The following LRMDA variants were observed in gnomAD, a reference collection of about 807,000 sequenced individuals.
LRMDA encodes the protein leucine rich melanocyte differentiation associated.
A neutral mutation model predicts 29.8 loss-of-function variants in LRMDA; 18 were observed. The ratio of observed to expected loss-of-function variants is 0.60; its 90% confidence interval spans 0.42 to 0.90. The LOEUF is 0.90. LRMDA is among the 40% of genes least tolerant of loss of function. The probability of loss-of-function intolerance (pLI) is 0.00; values close to 1 mark genes in which losing one functional copy is unlikely to be tolerated. For synonymous variants in LRMDA, 125 were observed against 109.4 expected (o/e 1.14, Z -0.89); for missense variants, 273 against 273.9 (o/e 1.00, Z 0.02).
chr10:76,121,128 C>G (rs1216935176), intron 5 of LRMDA, among the ~76,000 whole-genome samples: 1 of 149,958 alleles, frequency 6.7e-6, no homozygotes, highest in Non-Finnish European at 1.5e-5. Flanking sequence ...TTTGCCAGCT[C>G]TAGGAAATGG....
intron 2 of LRMDA, among the ~76,000 whole-genome samples, chr10:75,560,505 C>T (rs1453659309): frequency 1.3e-5 from 2 of 151,870 alleles, no homozygotes; most frequent in South Asian, 4.2e-4. Flanking sequence ...TTCCTCTTTT[C>T]CTCATTGAAT....
intron 5 of LRMDA, among the ~76,000 whole-genome samples, chr10:76,236,680 A>G (rs767001049): frequency 6.6e-6 from 1 of 152,090 alleles, no homozygotes; most frequent in African/African-American, 2.4e-5. Context: ...TTCTGCTGCA[A>G]CCCAGCATCT....
chr10:75,431,663 T>G lies in LRMDA; in HGVS notation c.-62T>G. On this transcript the variant is annotated 5_prime_UTR_variant, in exon 1 of 7. Transcript: ENST00000611255. ...CGCCCGCCGCGCTCCCCTGCCGCGC[T>G]CCCCGCTGCTGCCGCCGCGCCCCCG... 1 of 1,238,092 alleles carries G rather than the reference T, an allele frequency of 8.1e-7. No individual in the cohort carries two copies. Among genetic ancestry groups the G allele is most frequent in the Non-Finnish European group, 1.0e-6 (1 of 994,710 alleles). 76.7% of individuals were successfully genotyped at this position (1,238,092 alleles called of 1,614,324 possible).
At chr10:76,353,317 C>T (rs1841200290) in intron 6 of LRMDA, among the ~76,000 whole-genome samples, 2 of 147,230 alleles carry the variant, frequency 1.4e-5, no homozygotes, top group Admixed American at 7.0e-5. Context: ...TTGCAATTCT[C>T]TGAGCTGTGG....
chr10:75,636,469 T>G (rs1057418088), intron 2 of LRMDA, among the ~76,000 whole-genome samples: 1 of 152,232 alleles, frequency 6.6e-6, no homozygotes, highest in East Asian at 1.9e-4. Flanking sequence ...CATGCTAAGC[T>G]CTCAGTAAAA....
chr10:76,529,614 A>G (rs1407298564), intron 6 of LRMDA, among the ~76,000 whole-genome samples: 5 of 152,148 alleles, frequency 3.3e-5, no homozygotes, highest in South Asian at 2.1e-4. Flanking sequence ...GCAAACTACA[A>G]TTAATGGCTC....
intron 5 of LRMDA, among the ~76,000 whole-genome samples, chr10:76,245,540 T>G (rs1032588920): frequency 6.6e-6 from 1 of 152,236 alleles, no homozygotes; most frequent in Non-Finnish European, 1.5e-5. Context: ...CATTTTTAAA[T>G]GCCTATGATG....
intron 2 of LRMDA, among the ~76,000 whole-genome samples, chr10:75,769,850 G>A (rs1404126145): frequency 6.6e-6 from 1 of 152,144 alleles, no homozygotes; most frequent in African/African-American, 2.4e-5. Flanking sequence ...TGGCATGGTG[G>A]CACATGTCTG....
At chr10:76,287,867 G>A (rs1428248947) in intron 5 of LRMDA, among the ~76,000 whole-genome samples, 1 of 152,132 alleles carries the variant, frequency 6.6e-6, no homozygotes, top group Non-Finnish European at 1.5e-5. Context: ...GAATATCTTT[G>A]TTGTGCTGCA....
chr10:76,282,521 T>C (rs1840219328), intron 5 of LRMDA, among the ~76,000 whole-genome samples: 1 of 152,166 alleles, frequency 6.6e-6, no homozygotes, highest in Non-Finnish European at 1.5e-5. Flanking sequence ...TAACAAAGAC[T>C]TTGTGATTTA....
chr10:75,974,629 T>C (rs1306772157), intron 2 of LRMDA, among the ~76,000 whole-genome samples: 2 of 152,168 alleles, frequency 1.3e-5, no homozygotes, highest in Non-Finnish European at 2.9e-5. Context: ...GAGGTAAGTA[T>C]TGCTTTTTCC....
chr10:76,146,892 A>G (rs1017179358), intron 5 of LRMDA, among the ~76,000 whole-genome samples: 4 of 152,138 alleles, frequency 2.6e-5, no homozygotes, highest in Admixed American at 6.5e-5. Context: ...TGGTGACAAA[A>G]TCTCTCAGCA....
intron 6 of LRMDA, among the ~76,000 whole-genome samples, chr10:76,550,909 C>G (rs922573385): frequency 2.6e-5 from 4 of 152,208 alleles, no homozygotes; most frequent in African/African-American, 9.6e-5. Flanking sequence ...TGTCATTTCT[C>G]AGGCTCCACT....
chr10:75,735,451 AAAAC>A (rs1412312267), intron 2 of LRMDA, among the ~76,000 whole-genome samples: 2 of 152,112 alleles, frequency 1.3e-5, no homozygotes, highest in Admixed American at 6.5e-5. Flanking sequence ...GCTCCCATGA[AAAAC>A]AAACTAACTA....
intron 6 of LRMDA, among the ~76,000 whole-genome samples, chr10:76,422,782 A>G (rs1842083639): frequency 6.6e-6 from 1 of 152,160 alleles, no homozygotes; most frequent in Admixed American, 6.5e-5. Flanking sequence ...GGTCTCAGTA[A>G]TACCCCTGGG....
At chr10:75,729,337 G>T (rs961758807) in intron 2 of LRMDA, among the ~76,000 whole-genome samples, 1 of 152,180 alleles carries the variant, frequency 6.6e-6, no homozygotes, top group African/African-American at 2.4e-5. Context: ...GGCACAGTAG[G>T]GCCTAGTCCC....
At chr10:76,144,569 T>G (rs1482448257) in intron 5 of LRMDA, among the ~76,000 whole-genome samples, 1 of 152,230 alleles carries the variant, frequency 6.6e-6, no homozygotes, top group East Asian at 1.9e-4. Flanking sequence ...CTGAAGTTGT[T>G]TATCAGCTTG....
At chr10:76,507,804 T>C (rs75038806) in intron 6 of LRMDA, among the ~76,000 whole-genome samples, 4,291 of 152,206 alleles carry the variant, frequency 0.028, 154 homozygotes, top group African/African-American at 0.076. Flanking sequence ...GAGTTGGCTA[T>C]AAATGCCTGG....
chr10:75,904,962 A>G (rs1476466305), intron 2 of LRMDA, among the ~76,000 whole-genome samples: 1 of 152,144 alleles, frequency 6.6e-6, no homozygotes, highest in Non-Finnish European at 1.5e-5. Context: ...TTAACTAGGA[A>G]GTAGTGAGAC....
Sources: allele counts gnomAD v4.1 joint callset (sites outside exome capture counted in the v4.1 genomes callset), GRCh38; gene constraint gnomAD v4.1.1; transcripts MANE v1.5; gene names NCBI Gene and HGNC (gene_info 2026-07-23, HGNC 2026-07-21).